The following AFF3 variants were observed in gnomAD, a reference collection of about 807,000 sequenced individuals.
AFF3 encodes ALF transcription elongation factor 3.
Under a neutral mutation model 129.7 loss-of-function variants are expected in AFF3, and 32 were observed. That is an observed-to-expected ratio of 0.25 (90% CI 0.19 to 0.33). AFF3 has a LOEUF of 0.33. Among genes scored for constraint, AFF3 ranks in the 10% least tolerant of loss-of-function variants. The probability of loss-of-function intolerance (pLI) is 1.00; values close to 1 mark genes in which losing one functional copy is unlikely to be tolerated. For missense variants in AFF3, 1,373 were observed against 1,592.0 expected (o/e 0.86, Z 2.34); for synonymous variants, 644 against 635.4 (o/e 1.01, Z -0.20).
At chr2:100,031,137 A>G (rs1303702823) in intron 4 of AFF3, among the ~76,000 whole-genome samples, 1 of 152,230 alleles carries the variant, frequency 6.6e-6, no homozygotes. Context: ...TGTAAAAAAA[A>G]GACAAAAGGA....
intron 4 of AFF3, among the ~76,000 whole-genome samples, chr2:100,016,067 T>G (rs765979779): frequency 2.1e-4 from 31 of 151,072 alleles, no homozygotes; most frequent in Non-Finnish European, 4.1e-4. Context: ...ATGGTGGTGA[T>G]GACAGTGATG....
intron 4 of AFF3, among the ~76,000 whole-genome samples, chr2:100,018,032 GTA>G (rs112153264): frequency 4.7e-5 from 7 of 149,910 alleles, no homozygotes; most frequent in Non-Finnish European, 8.9e-5. Flanking sequence ...GTGTGTGTGT[GTA>G]TATATATATA....
intron 16 of AFF3, among the ~76,000 whole-genome samples, chr2:99,586,928 A>G (rs1678176337): frequency 6.6e-6 from 1 of 152,122 alleles, no homozygotes; most frequent in African/African-American, 2.4e-5. Context: ...TGTAACTAGT[A>G]TCTGGTCTTT....
At chr2:100,065,675 C>T (rs1447690101) in intron 4 of AFF3, among the ~76,000 whole-genome samples, 1 of 152,140 alleles carries the variant, frequency 6.6e-6, no homozygotes, top group Non-Finnish European at 1.5e-5. Context: ...AGAACCCTTC[C>T]ATTTTTCTTT....
At chr2:100,047,491 TA>T (rs1685932435) in intron 4 of AFF3, among the ~76,000 whole-genome samples, 2 of 152,304 alleles carry the variant, frequency 1.3e-5, no homozygotes, top group South Asian at 4.2e-4. Context: ...CTTATTACAT[TA>T]CCATCCTACA....
At chr2:99,671,765 GA>G (rs1687165799) in intron 12 of AFF3, among the ~76,000 whole-genome samples, 1 of 152,102 alleles carries the variant, frequency 6.6e-6, no homozygotes, top group Non-Finnish European at 1.5e-5. Flanking sequence ...CAACATAGGG[GA>G]TGAGAAAAAG....
chr2:99,958,325 T>C (rs986749464), intron 7 of AFF3, among the ~76,000 whole-genome samples: 6 of 151,894 alleles, frequency 4.0e-5, no homozygotes, highest in African/African-American at 1.5e-4. Flanking sequence ...AAACCCCATC[T>C]CTACTAAAAA....
At chr2:99,694,285 G>T (rs189368925) in intron 11 of AFF3, among the ~76,000 whole-genome samples, 2 of 152,168 alleles carry the variant, frequency 1.3e-5, no homozygotes, top group Admixed American at 1.3e-4. Flanking sequence ...GCACATTAAG[G>T]TCAAATTCTG....
chr2:99,780,240 A>C (rs531715554), intron 8 of AFF3, among the ~76,000 whole-genome samples: 155 of 152,276 alleles, frequency 1.0e-3, no homozygotes, highest in Non-Finnish European at 1.7e-3. Flanking sequence ...CTTCAAGCTG[A>C]CGCTGGTCTG....
At chr2:99,779,527 A>C (rs1684221708) in intron 8 of AFF3, among the ~76,000 whole-genome samples, 1 of 152,166 alleles carries the variant, frequency 6.6e-6, no homozygotes, top group Non-Finnish European at 1.5e-5. Context: ...CTTATTAGTC[A>C]GTTACGTATT....
chr2:99,827,230 CATGGA>C (rs1688158952), intron 8 of AFF3, among the ~76,000 whole-genome samples: 1 of 152,088 alleles, frequency 6.6e-6, no homozygotes, highest in Non-Finnish European at 1.5e-5. Flanking sequence ...TACCAGACAC[CATGGA>C]AGTACAGCAT....
At chr2:99,652,766 G>T (rs926995522) in intron 12 of AFF3, among the ~76,000 whole-genome samples, 71 of 152,110 alleles carry the variant, frequency 4.7e-4, no homozygotes, top group African/African-American at 1.6e-3. Context: ...CCGTGTCCAG[G>T]CTACTATGGA....
chr2:99,933,877 C>T (rs1012818866), intron 7 of AFF3, among the ~76,000 whole-genome samples: 1 of 152,060 alleles, frequency 6.6e-6, no homozygotes, highest in African/African-American at 2.4e-5. Context: ...TTAATGGTGT[C>T]CGGAGGTAGT....
chr2:99,807,771 T>A (rs1468703437), intron 8 of AFF3, among the ~76,000 whole-genome samples: 2 of 151,872 alleles, frequency 1.3e-5, no homozygotes, highest in Non-Finnish European at 2.9e-5. Context: ...TTTAGCTCCC[T>A]GCCAGCCTGT....
intron 4 of AFF3, among the ~76,000 whole-genome samples, chr2:100,092,915 G>A (rs1689974321): frequency 6.6e-6 from 1 of 151,056 alleles, no homozygotes; most frequent in South Asian, 2.1e-4. Flanking sequence ...TTATTACCAG[G>A]CTAAAATATA....
At chr2:100,056,875 G>A (rs937917858) in intron 4 of AFF3, among the ~76,000 whole-genome samples, 5 of 152,140 alleles carry the variant, frequency 3.3e-5, no homozygotes, top group Non-Finnish European at 2.9e-5. Context: ...GGGTAAATAC[G>A]AATAGAGGCC....
chr2:99,811,534 A>G (rs770274433), intron 8 of AFF3, among the ~76,000 whole-genome samples: 1 of 152,048 alleles, frequency 6.6e-6, no homozygotes, highest in Non-Finnish European at 1.5e-5. Flanking sequence ...TATGTGTCAT[A>G]TTGACATATG....
chr2:99,768,845 G>A (rs1035993677), intron 8 of AFF3, among the ~76,000 whole-genome samples: 2 of 152,252 alleles, frequency 1.3e-5, no homozygotes, highest in East Asian at 1.9e-4. Flanking sequence ...CAAGGTTTCC[G>A]CTGAAAAGTC....
chr2:99,652,899 T>C (rs1428036386), intron 12 of AFF3, among the ~76,000 whole-genome samples: 2 of 152,152 alleles, frequency 1.3e-5, no homozygotes, highest in African/African-American at 4.8e-5. Context: ...ACTGATCTTC[T>C]TGATAAGGAG....
Sources: allele counts gnomAD v4.1 joint callset (sites outside exome capture counted in the v4.1 genomes callset), GRCh38; gene constraint gnomAD v4.1.1; transcripts MANE v1.5; gene names NCBI Gene and HGNC (gene_info 2026-07-23, HGNC 2026-07-21).